The following ACVR1 variants were observed in gnomAD, a reference collection of about 807,000 sequenced individuals.
ACVR1 encodes activin receptor type-1.
Under a neutral mutation model 57.1 loss-of-function variants are expected in ACVR1, and 38 were observed. That is an observed-to-expected ratio of 0.67 (90% CI 0.51 to 0.87). The LOEUF (loss-of-function observed/expected upper bound fraction) is 0.87, where lower values mean the gene tolerates loss of function less well. ACVR1 is among the 40% of genes least tolerant of loss of function. The probability of loss-of-function intolerance (pLI) is 0.00; values close to 1 mark genes in which losing one functional copy is unlikely to be tolerated. For missense variants in ACVR1, 463 were observed against 638.2 expected, an observed-to-expected ratio of 0.73 and a Z score of 2.96; for synonymous variants, 212 against 228.1, an observed-to-expected ratio of 0.93 and a Z score of 0.63.
chr2:157,748,738 C>T (rs1407650726), intron 9 of ACVR1, among the ~76,000 whole-genome samples: 1 of 152,108 alleles, frequency 6.6e-6, no homozygotes, highest in Non-Finnish European at 1.5e-5. Context: ...AGCAGATCCA[C>T]TCTGCTATTA....
At chr2:157,738,711 G>A (rs1216036306) in intron 9 of ACVR1, 141 bp from the exon 10 acceptor site, 33 of 1,269,138 alleles carry the variant, frequency 2.6e-5, no homozygotes, top group Non-Finnish European at 3.5e-5. Flanking sequence ...AGTCCTGGAA[G>A]CTAGAGGTAG....
intron 1 of ACVR1, among the ~76,000 whole-genome samples, chr2:157,845,756 T>C (rs1029644390): frequency 2.0e-5 from 3 of 152,206 alleles, no homozygotes; most frequent in Non-Finnish European, 4.4e-5. Flanking sequence ...GCATCCATGA[T>C]GAAAGAGGAG....
intron 8 of ACVR1, among the ~76,000 whole-genome samples, chr2:157,764,217 C>A (rs1685772333): frequency 6.6e-6 from 1 of 152,056 alleles, no homozygotes; most frequent in Non-Finnish European, 1.5e-5. Context: ...AAGTCTCGCT[C>A]TGTCGCCCAG....
intron 3 of ACVR1, among the ~76,000 whole-genome samples, chr2:157,795,596 T>TATTGTA: frequency 6.6e-6 from 1 of 152,180 alleles, no homozygotes; most frequent in African/African-American, 2.4e-5. Context: ...AACATCCTAA[T>TATTGTA]GGTGGTGGTA....
At chr2:157,819,729 G>A (rs191733858) in intron 1 of ACVR1, among the ~76,000 whole-genome samples, 12 of 144,594 alleles carry the variant, frequency 8.3e-5, no homozygotes, top group South Asian at 2.1e-4. Context: ...AGTACAAAGC[G>A]GAAGGGAAGA....
At chr2:157,793,989 C>T (rs186241650) in intron 3 of ACVR1, among the ~76,000 whole-genome samples, 16 of 152,244 alleles carry the variant, frequency 1.1e-4, no homozygotes, top group East Asian at 1.9e-4. Flanking sequence ...AAATCTCTTG[C>T]GAAAAAATTC....
At chr2:157,752,020 C>T (rs1457848964) in intron 9 of ACVR1, among the ~76,000 whole-genome samples, 4 of 152,208 alleles carry the variant, frequency 2.6e-5, no homozygotes, top group African/African-American at 7.2e-5. Context: ...GCACATCAAA[C>T]GACTACAACT....
chr2:157,744,985 C>T (rs1400859832), intron 9 of ACVR1, among the ~76,000 whole-genome samples: 1 of 152,230 alleles, frequency 6.6e-6, no homozygotes, highest in Non-Finnish European at 1.5e-5. Context: ...CATGCTGTGA[C>T]AGCTGTGTCC....
At chr2:157,754,286 AC>A (rs1685332053) in intron 9 of ACVR1, among the ~76,000 whole-genome samples, 1 of 152,242 alleles carries the variant, frequency 6.6e-6, no homozygotes, top group African/African-American at 2.4e-5. Context: ...TGAAATCGAA[AC>A]AAAAAATACA....
At chr2:157,868,708 T>G (rs1358683156) in intron 1 of ACVR1, among the ~76,000 whole-genome samples, 2 of 152,200 alleles carry the variant, frequency 1.3e-5, no homozygotes, top group Non-Finnish European at 2.9e-5. Context: ...CTCTGTAACT[T>G]GTGACCAAGA....
At chr2:157,743,726 T>C (rs1258356461) in intron 9 of ACVR1, among the ~76,000 whole-genome samples, 1 of 151,422 alleles carries the variant, frequency 6.6e-6, no homozygotes, top group Non-Finnish European at 1.5e-5. Context: ...GGTTATACAC[T>C]GACACACGTC....
intron 1 of ACVR1, among the ~76,000 whole-genome samples, chr2:157,874,469 T>C (rs1381017378): frequency 6.6e-6 from 1 of 152,200 alleles, no homozygotes; most frequent in Non-Finnish European, 1.5e-5. Context: ...AAGTCTAGTG[T>C]CTGCTGGCTG....
intron 9 of ACVR1, among the ~76,000 whole-genome samples, chr2:157,748,124 C>T (rs531800875): frequency 1.3e-5 from 2 of 152,240 alleles, no homozygotes; most frequent in South Asian, 4.1e-4. Flanking sequence ...AAACTGATGA[C>T]TCTGACTTCC....
intron 9 of ACVR1, among the ~76,000 whole-genome samples, chr2:157,753,485 A>G (rs1273888406): frequency 6.6e-6 from 1 of 152,048 alleles, no homozygotes; most frequent in East Asian, 1.9e-4. Flanking sequence ...TAAAGATTGC[A>G]CCACTGCACT....
chr2:157,756,675 C>A (rs1417718675), intron 9 of ACVR1, among the ~76,000 whole-genome samples: 1 of 151,740 alleles, frequency 6.6e-6, no homozygotes, highest in Admixed American at 6.6e-5. Context: ...GGCGTGGATG[C>A]GGCACAAAGG....
chr2:157,854,377 G>C (rs1689432417), intron 1 of ACVR1, among the ~76,000 whole-genome samples: 1 of 152,148 alleles, frequency 6.6e-6, no homozygotes, highest in South Asian at 2.1e-4. Context: ...AACAGAGATA[G>C]AGGAAGACAA....
intron 1 of ACVR1, among the ~76,000 whole-genome samples, chr2:157,824,345 G>C (rs1001338469): frequency 6.6e-6 from 1 of 152,102 alleles, no homozygotes; most frequent in Non-Finnish European, 1.5e-5. Flanking sequence ...GTGCACACCT[G>C]TAGTCCCAGC....
chr2:157,740,805 T>A (rs573443445), intron 9 of ACVR1, among the ~76,000 whole-genome samples: 3 of 152,332 alleles, frequency 2.0e-5, no homozygotes, highest in African/African-American at 7.2e-5. Flanking sequence ...TTCAATTTTA[T>A]TAAATGTCCC....
chr2:157,772,580 T>C (rs1428533489), intron 6 of ACVR1, among the ~76,000 whole-genome samples: 1 of 152,200 alleles, frequency 6.6e-6, no homozygotes, highest in African/African-American at 2.4e-5. Flanking sequence ...TATTTTGCCA[T>C]TTGGACTCTG....
Sources: gnomAD v4.1 joint callset for allele counts (sites outside exome capture counted in the v4.1 genomes callset) on GRCh38, gnomAD v4.1.1 for gene constraint, MANE v1.5 for transcripts, NCBI Gene and HGNC (gene_info 2026-07-23, HGNC 2026-07-21) for gene names.